The following DUSP8 variants were observed in gnomAD, a reference collection of about 807,000 sequenced individuals.
DUSP8 encodes the protein dual specificity protein phosphatase 8.
Under a neutral mutation model 38.7 loss-of-function variants are expected in DUSP8, and 15 were observed. That is an observed-to-expected ratio of 0.39 (90% CI 0.26 to 0.60). The LOEUF (loss-of-function observed/expected upper bound fraction) is 0.60, where lower values mean the gene tolerates loss of function less well. Ranked by LOEUF, DUSP8 falls within the 20% of genes least tolerant of loss-of-function variation. DUSP8 has a pLI of 0.56. For synonymous variants in DUSP8, 458 were observed against 433.9 expected (o/e 1.06, Z -0.69); for missense variants, 768 against 915.0 (o/e 0.84, Z 2.07).
At chr11:1,560,784 T>C (rs1848706665) in intron 3 of DUSP8, among the ~76,000 whole-genome samples, 1 of 152,184 alleles carries the variant, frequency 6.6e-6, no homozygotes, top group Admixed American at 6.5e-5. Context: ...CTGCAGACTC[T>C]TCTGCCACCT....
In DUSP8 at chr11:1,558,105, G is replaced by A; in HGVS notation, c.697+7C>T. On this transcript the variant is annotated splice_region_variant and intron_variant, in intron 5 of 6. Transcript: ENST00000397374. This position sits in a 1 kb window ranked among gnomAD's most constrained non-coding sequence, Gnocchi z 6.3. ...AGGTCCCTGCCCTCCGCCCACCGCAGACTCACCGATGAACTCGATGGACTT... is the reference window on the plus strand; with the variant it reads ...AGGTCCCTGCCCTCCGCCCACCGCAAACTCACCGATGAACTCGATGGACTT... 1.9e-6 allele frequency: 3 copies of A among 1,611,972 alleles called. No homozygotes were observed. Among genetic ancestry groups the A allele is most frequent in the Non-Finnish European group, 2.5e-6 (3 of 1,179,848 alleles).
intron 3 of DUSP8, among the ~76,000 whole-genome samples, chr11:1,559,940 C>A (rs1848692591): frequency 6.6e-6 from 1 of 152,228 alleles, no homozygotes; most frequent in South Asian, 2.1e-4. Flanking sequence ...TCAGCTTCCT[C>A]CTCCTGCCTG....
chr11:1,560,626 C>A (rs1049930249), intron 3 of DUSP8, among the ~76,000 whole-genome samples: 2 of 152,206 alleles, frequency 1.3e-5, no homozygotes, highest in African/African-American at 4.8e-5. Context: ...TGACTTGTCA[C>A]CAACGACGCC....
chr11:1,560,630 C>T (rs962858119), intron 3 of DUSP8, among the ~76,000 whole-genome samples: 16 of 152,340 alleles, frequency 1.1e-4, no homozygotes, highest in African/African-American at 3.6e-4. Context: ...TTGTCACCAA[C>T]GACGCCCCAG....
At chr11:1,563,216 C>T (rs1444601514) in intron 3 of DUSP8, among the ~76,000 whole-genome samples, 1 of 152,194 alleles carries the variant, frequency 6.6e-6, no homozygotes, top group African/African-American at 2.4e-5. Context: ...CTCCGTCCGG[C>T]TCTGGGACCT....
intron 1 of DUSP8, among the ~76,000 whole-genome samples, chr11:1,569,566 A>G (rs1245325691): frequency 6.6e-6 from 1 of 152,144 alleles, no homozygotes; most frequent in African/African-American, 2.4e-5. Flanking sequence ...CCAGGACTCC[A>G]GTACCCGAGG....
At chr11:1,571,157 C>G (rs1200459560) in intron 1 of DUSP8, among the ~76,000 whole-genome samples, 1 of 152,208 alleles carries the variant, frequency 6.6e-6, no homozygotes, top group East Asian at 1.9e-4. Flanking sequence ...GCCCCCTCCC[C>G]TCCAGGCCAG....
chr11:1,560,647 G>A (rs1268826060), intron 3 of DUSP8, among the ~76,000 whole-genome samples: 1 of 152,224 alleles, frequency 6.6e-6, no homozygotes, highest in Non-Finnish European at 1.5e-5. Context: ...CCAGCTTGCA[G>A]GTTCCCCTGA....
chr11:1,555,035 C>G lies in DUSP8; in HGVS notation c.*1483G>C. The G allele has an allele frequency of 1.0e-6, 1 of 986,274 alleles. No homozygotes were observed. The highest frequency in any genetic ancestry group is 4.7e-5 in the South Asian group (1 of 21,316). 61.1% of individuals were successfully genotyped at this position (986,274 alleles called of 1,614,324 possible). A position where few individuals can be genotyped will look rare whatever the true frequency, so the allele number is the denominator to read the frequency against. On this transcript the variant is annotated 3_prime_UTR_variant, in exon 7 of 7. Coordinates refer to ENST00000397374, the MANE Select transcript of DUSP8 (RefSeq NM_004420.3). ...CGGGATGGGCGCCTCCCTGGCCCTGCTCCAGGACTCAGGACTGGGTCCTGC... is the reference window on the plus strand; with the variant it reads ...CGGGATGGGCGCCTCCCTGGCCCTGGTCCAGGACTCAGGACTGGGTCCTGC...
intron 1 of DUSP8, 53 bp from the exon 2 acceptor site, chr11:1,565,987 A>G (rs908520581): frequency 4.8e-6 from 3 of 629,154 alleles, no homozygotes; most frequent in African/African-American, 3.7e-5. Context: ...GGTGGCACCC[A>G]GAAGCTCCCC....
chr11:1,567,019 G>A (rs898916399), intron 1 of DUSP8, among the ~76,000 whole-genome samples: 1 of 152,190 alleles, frequency 6.6e-6, no homozygotes, highest in African/African-American at 2.4e-5. Flanking sequence ...TAGTGTTAAG[G>A]ATGATGAGTT....
chr11:1,567,158 G>A (rs1234794772), intron 1 of DUSP8, among the ~76,000 whole-genome samples: 1 of 152,186 alleles, frequency 6.6e-6, no homozygotes, highest in Non-Finnish European at 1.5e-5. Context: ...CTGCCAGGCA[G>A]TCAGGAAGTT....
intron 1 of DUSP8, among the ~76,000 whole-genome samples, chr11:1,570,987 A>G (rs1848881655): frequency 7.1e-6 from 1 of 140,090 alleles, no homozygotes; most frequent in South Asian, 2.3e-4. Context: ...GCCACGCTAC[A>G]TCCTGCCACC....
chr11:1,558,632 C>T lies in DUSP8; in HGVS notation c.537+257G>A, dbSNP rs368306336. Among the ~76,000 whole-genome samples, 2 of 152,180 alleles carry T rather than the reference C, an allele frequency of 1.3e-5. No homozygotes were observed. Among genetic ancestry groups the T allele is most frequent in the South Asian group, 2.1e-4 (1 of 4,836 alleles). Reference sequence around the variant, plus strand: ...AGCTGGCCAGAGGCCCAGTGACATCCGCAGCTTGGCATGCCAGCTCCCCGC... The same window carrying T: ...AGCTGGCCAGAGGCCCAGTGACATCTGCAGCTTGGCATGCCAGCTCCCCGC... On this transcript the variant is annotated intron_variant, in intron 4 of 6. Coordinates refer to ENST00000397374, the MANE Select transcript of DUSP8 (RefSeq NM_004420.3). This position sits in a 1 kb window ranked among gnomAD's most constrained non-coding sequence, Gnocchi z 6.3.
Position 1,556,750 on chromosome 11 carries a change from C to T in DUSP8, c.1646G>A (p.Gly549Glu). 8.3e-7 allele frequency: 1 copy of T among 1,207,258 alleles called. No individual in the cohort carries two copies. The highest frequency in any genetic ancestry group is 1.0e-6 in the Non-Finnish European group (1 of 972,336). 74.8% of individuals were successfully genotyped at this position (1,207,258 alleles called of 1,614,324 possible). A position where few individuals can be genotyped will look rare whatever the true frequency, so the allele number is the denominator to read the frequency against. ...FAPFGRAGAP[G>E]PGGGSDLRRR... The stretch of plus-strand genomic sequence containing the variant: ...CCGCAGGTCGCTGCCGCCGCCTGGT[C>T]CCGGGGCGCCCGCCCGGCCGAAGGG... The change falls in exon 7 of 7, where the codon GGA becomes GAA. Residue 549 changes from glycine (G) to glutamate (E), a missense_variant. By Grantham distance (98) the Gly-to-Glu change is moderately conservative. Coordinates refer to ENST00000397374, the MANE Select transcript of DUSP8 (RefSeq NM_004420.3). The surrounding 1 kb of genome is among the most constrained non-coding windows in gnomAD (Gnocchi z 5.2).
rs550204859 is a variant in DUSP8 at position 1,559,678 on chromosome 11, T to G, written c.371-623A>C. On this transcript the variant is annotated intron_variant, in intron 3 of 6. Coordinates refer to ENST00000397374, the MANE Select transcript of DUSP8 (RefSeq NM_004420.3). ...CCTCGGGGCATTTGCTGTCTGGTTA[T>G]GGCTGTACTCCACCCAGCAGGGGAG... is the stretch of plus-strand genomic sequence containing the variant. 1.1e-3 allele frequency among the ~76,000 whole-genome samples: 160 copies of G among 152,346 alleles called. 1 individual carries two copies. The highest frequency in any genetic ancestry group is 3.7e-3 in the African/African-American group (154 of 41,588).
rs1848591351 is a variant in DUSP8 at position 1,554,501 on chromosome 11, A to C, written c.*2017T>G. 9.8e-6 allele frequency: 3 copies of C among 307,532 alleles called. No homozygotes were observed. Among genetic ancestry groups the C allele is most frequent in the East Asian group, 1.7e-4 (1 of 5,842 alleles). 19.1% of individuals were successfully genotyped at this position (307,532 alleles called of 1,614,324 possible). On this transcript the variant is annotated 3_prime_UTR_variant, in exon 7 of 7. Coordinates refer to ENST00000397374, the MANE Select transcript of DUSP8 (RefSeq NM_004420.3). ...AGCCCGCCTCCTGCAGCACTGGAGG[A>C]GGCAGTGGCCAACACAGGACCTTCG...
chr11:1,572,304 CG>C (rs1322758675), upstream of DUSP8, among the ~76,000 whole-genome samples: 1 of 148,814 alleles, frequency 6.7e-6, no homozygotes, highest in Non-Finnish European at 1.5e-5. The surrounding 1 kb of genome is among the most constrained non-coding windows in gnomAD (Gnocchi z 4.7). Flanking sequence ...GGGCCGCCGG[CG>C]GGGATGAGGT....
At chr11:1,563,714 A>G (rs1848756489) in intron 3 of DUSP8, 137 bp downstream of exon 3, 1 of 882,886 alleles carries the variant, frequency 1.1e-6, no homozygotes, top group Admixed American at 3.4e-5. Flanking sequence ...TGGGGAGAGG[A>G]TGGTGGGGCC....
Sources: allele counts gnomAD v4.1 joint callset (sites outside exome capture counted in the v4.1 genomes callset), GRCh38; gene constraint gnomAD v4.1.1; non-coding constraint Gnocchi (gnomAD v3.1); transcripts MANE v1.5; gene names NCBI Gene and HGNC (gene_info 2026-07-23, HGNC 2026-07-21).